CDH12: variants seen among roughly 807,000 people sequenced by gnomAD.
CDH12 encodes cadherin-12.
A neutral mutation model predicts 74.1 loss-of-function variants in CDH12; 41 were observed. That is an observed-to-expected ratio of 0.55 (90% CI 0.43 to 0.72). The LOEUF (loss-of-function observed/expected upper bound fraction) is 0.72, where lower values mean the gene tolerates loss of function less well. Ranked by LOEUF, CDH12 falls within the 30% of genes least tolerant of loss-of-function variation. The pLI is 0.00. For missense variants in CDH12, 945 were observed against 977.2 expected (o/e 0.97, Z 0.44); for synonymous variants, 399 against 355.0 (o/e 1.12, Z -1.39).
intron 4 of CDH12, among the ~76,000 whole-genome samples, chr5:22,164,645 C>T (rs543565493): frequency 2.2e-3 from 342 of 152,274 alleles, no homozygotes; most frequent in Admixed American, 4.2e-3. Flanking sequence ...TTTGCTGGCT[C>T]CAGTGCCTGG....
intron 6 of CDH12, among the ~76,000 whole-genome samples, chr5:21,951,439 G>T (rs1430426623): frequency 6.6e-6 from 1 of 151,972 alleles, no homozygotes; most frequent in East Asian, 1.9e-4. Flanking sequence ...GTAGAGACAG[G>T]GTTTCACCAT....
rs70957070 is a variant in CDH12 at position 21,828,908 on chromosome 5, CTTTTTTT to C, written c.815-11783_815-11777del. ...GCTTACAACCCTTTAAATCCTATGT[CTTTTTTT>C]TTTTTTTTTTTTTTTTTGCAATGGT... On this transcript the variant is annotated intron_variant, in intron 8 of 14. Transcript: ENST00000382254. Among the ~76,000 whole-genome samples the C allele has an allele frequency of 2.6e-3, 309 of 119,242 alleles. 2 individuals carry two copies. The highest frequency in any genetic ancestry group is 7.2e-3 in the African/African-American group (208 of 29,036). The allele number at this position is 119,242 out of a possible 152,430, so 78.2% of individuals were successfully genotyped here.
intron 3 of CDH12, among the ~76,000 whole-genome samples, chr5:22,213,110 A>G (rs1751635406): frequency 6.6e-6 from 1 of 152,194 alleles, no homozygotes. Context: ...AAAAATGTTT[A>G]AAGCGATGTG....
intron 2 of CDH12, among the ~76,000 whole-genome samples, chr5:22,412,519 G>C (rs1460883926): frequency 1.3e-5 from 2 of 151,736 alleles, no homozygotes; most frequent in Non-Finnish European, 2.9e-5. Context: ...AGTTATTTGT[G>C]ATTTTATTGT....
chr5:21,759,245 ATTG>A (rs1744576395), intron 13 of CDH12, among the ~76,000 whole-genome samples: 1 of 151,108 alleles, frequency 6.6e-6, no homozygotes, highest in African/African-American at 2.5e-5. Context: ...TTTATCTGTA[ATTG>A]TTAAGTGGCT....
intron 1 of CDH12, among the ~76,000 whole-genome samples, chr5:22,676,265 T>C (rs1313834668): frequency 2.0e-5 from 3 of 152,154 alleles, no homozygotes; most frequent in Non-Finnish European, 4.4e-5. Flanking sequence ...TAAACTACTG[T>C]AAGCAATATG....
chr5:22,123,383 T>C (rs1745639428), intron 4 of CDH12, among the ~76,000 whole-genome samples: 1 of 152,198 alleles, frequency 6.6e-6, no homozygotes, highest in South Asian at 2.1e-4. Context: ...TAGTTTGCTA[T>C]AGCAGTCCCC....
At chr5:22,083,444 T>C (rs1343985104) in intron 4 of CDH12, among the ~76,000 whole-genome samples, 2 of 152,180 alleles carry the variant, frequency 1.3e-5, no homozygotes, top group East Asian at 3.9e-4. Context: ...TAATGATGCC[T>C]ATTTTATCAG....
chr5:22,229,395 G>A (rs185769927), intron 3 of CDH12, among the ~76,000 whole-genome samples: 4 of 148,720 alleles, frequency 2.7e-5, no homozygotes, highest in East Asian at 4.0e-4. Context: ...GAATAACATA[G>A]GATTTGGGGC....
intron 5 of CDH12, among the ~76,000 whole-genome samples, chr5:22,031,723 G>C (rs1040120856): frequency 2.6e-5 from 4 of 152,156 alleles, no homozygotes; most frequent in South Asian, 4.1e-4. Context: ...GAGAAGGAGA[G>C]AGACAGGGAA....
Position 22,656,121 on chromosome 5 carries a change from G to A in CDH12, c.-522-150757C>T, listed in dbSNP as rs191871613. Among the ~76,000 whole-genome samples the A allele has an allele frequency of 1.0e-3, 153 of 152,166 alleles. 1 individual carries two copies. The highest frequency in any genetic ancestry group is 3.4e-3 in the Middle Eastern group (1 of 294). ...TTTGTATATATATGTGATTATTTTCGTAGTCCATGGCTCTTTTAGATTTTA... is the reference window on the plus strand; with the variant it reads ...TTTGTATATATATGTGATTATTTTCATAGTCCATGGCTCTTTTAGATTTTA... On this transcript the variant is annotated intron_variant, in intron 1 of 14. Transcript: ENST00000382254.
chr5:22,589,715 C>T (rs1740585696), intron 1 of CDH12, among the ~76,000 whole-genome samples: 1 of 152,150 alleles, frequency 6.6e-6, no homozygotes, highest in Non-Finnish European at 1.5e-5. Flanking sequence ...TTTCCTCTTT[C>T]TCTTCCTGGC....
chr5:22,614,466 G>A (rs1737581179), intron 1 of CDH12, among the ~76,000 whole-genome samples: 1 of 152,196 alleles, frequency 6.6e-6, no homozygotes, highest in South Asian at 2.1e-4. Context: ...CAGATAAACT[G>A]GATAAAGAAG....
At chr5:22,000,709 A>T (rs552295691) in intron 5 of CDH12, among the ~76,000 whole-genome samples, 1 of 152,266 alleles carries the variant, frequency 6.6e-6, no homozygotes, top group African/African-American at 2.4e-5. Context: ...AGATTATTAC[A>T]TTCTGTCTTC....
intron 3 of CDH12, among the ~76,000 whole-genome samples, chr5:22,265,364 A>G (rs1753667594): frequency 6.6e-6 from 1 of 152,174 alleles, no homozygotes; most frequent in South Asian, 2.1e-4. Flanking sequence ...AAAATCTGTA[A>G]CAGTCAGCTA....
intron 6 of CDH12, among the ~76,000 whole-genome samples, chr5:21,867,744 T>A (rs1391057924): frequency 6.6e-6 from 1 of 152,226 alleles, no homozygotes; most frequent in African/African-American, 2.4e-5. Context: ...TTGTCTCAGA[T>A]GATACTTTGG....
chr5:22,250,068 A>G (rs1301022983), intron 3 of CDH12, among the ~76,000 whole-genome samples: 1 of 152,180 alleles, frequency 6.6e-6, no homozygotes, highest in Admixed American at 6.5e-5. Context: ...AAAACTGAAC[A>G]GAATTTTTAA....
intron 5 of CDH12, among the ~76,000 whole-genome samples, chr5:22,052,000 T>C (rs1740404467): frequency 6.6e-6 from 1 of 152,176 alleles, no homozygotes. Context: ...TATTTTAACA[T>C]TTCTTTTATT....
At chr5:22,521,154 C>T (rs1737039716) in intron 1 of CDH12, among the ~76,000 whole-genome samples, 3 of 151,904 alleles carry the variant, frequency 2.0e-5, no homozygotes, top group African/African-American at 7.3e-5. Context: ...TGTTGTGTAT[C>T]TTATCAGTTG....
Sources: allele counts gnomAD v4.1 joint callset (sites outside exome capture counted in the v4.1 genomes callset), GRCh38; gene constraint gnomAD v4.1.1; transcripts MANE v1.5; gene names NCBI Gene and HGNC (gene_info 2026-07-23, HGNC 2026-07-21).